The following GARNL3 variants were observed in gnomAD, a reference collection of about 807,000 sequenced individuals.
The protein encoded by GARNL3 is GTPase-activating Rap/Ran-GAP domain-like protein 3.
Under a neutral mutation model 125.0 loss-of-function variants are expected in GARNL3, and 63 were observed. The ratio of observed to expected loss-of-function variants is 0.50; its 90% CI spans 0.41 to 0.62. The LOEUF is 0.62. GARNL3 is among the 20% of genes least tolerant of loss of function. GARNL3 has a pLI of 0.00. For synonymous variants in GARNL3, 439 were observed against 457.5 expected (o/e 0.96, Z 0.52); for missense variants, 994 against 1,244.0 (o/e 0.80, Z 3.02).
At chr9:127,377,259 T>C (rs1209166536) in intron 22 of GARNL3, among the ~76,000 whole-genome samples, 1 of 152,196 alleles carries the variant, frequency 6.6e-6, no homozygotes, top group African/African-American at 2.4e-5. Flanking sequence ...ATATATAAAA[T>C]GTATACGATG....
chr9:127,258,907 T>C (rs2063538305), upstream of GARNL3, among the ~76,000 whole-genome samples: 1 of 152,190 alleles, frequency 6.6e-6, no homozygotes, highest in Admixed American at 6.5e-5. Flanking sequence ...TTCCTAGAGC[T>C]CCTGACTGTT....
chr9:127,376,855 C>T (rs114765106), intron 22 of GARNL3, among the ~76,000 whole-genome samples: 2,373 of 152,274 alleles, frequency 0.016, 72 homozygotes, highest in African/African-American at 0.053. Flanking sequence ...TTCCAACCCT[C>T]GTGGAATTTG....
At chr9:127,240,380 C>T (rs2063182638) in intron 1 of GARNL3, among the ~76,000 whole-genome samples, 1 of 152,132 alleles carries the variant, frequency 6.6e-6, no homozygotes, top group African/African-American at 2.4e-5. Context: ...ACCCTTGCAC[C>T]CCACATGTGT....
chr9:127,242,092 A>G lies in GARNL3; in HGVS notation c.-28-987A>G, dbSNP rs1302071647. Among the ~76,000 whole-genome samples, 3 of 151,920 alleles carry G rather than the reference A, an allele frequency of 2.0e-5. No homozygotes were observed. The highest frequency in any genetic ancestry group is 7.3e-5 in the African/African-American group (3 of 41,362). ...TGTGGAGTCGCTTTTCTTGGTCTCC[A>G]GCCTCACAGCACTCCCTTCTCATGC... On this transcript the variant is annotated intron_variant, in intron 1 of 10. Coordinates refer to the GARNL3 transcript ENST00000439286. This position sits in a 1 kb window ranked among gnomAD's most constrained non-coding sequence, Gnocchi z 4.6.
intron 1 of GARNL3, among the ~76,000 whole-genome samples, chr9:127,227,033 T>C (rs1191029484): frequency 6.6e-6 from 1 of 152,258 alleles, no homozygotes; most frequent in African/African-American, 2.4e-5. Flanking sequence ...GTAATGTGGC[T>C]AGTTGAGCTA....
chr9:127,374,068 G>A (rs979035440), intron 22 of GARNL3, among the ~76,000 whole-genome samples: 8 of 152,148 alleles, frequency 5.3e-5, no homozygotes, highest in African/African-American at 1.9e-4. Context: ...TTAGGAGGCC[G>A]AGGTGGGTGG....
chr9:127,321,178 G>C, intron 6 of GARNL3, among the ~76,000 whole-genome samples: 1 of 152,142 alleles, frequency 6.6e-6, no homozygotes, highest in East Asian at 1.9e-4. Flanking sequence ...TTGTGGCCCA[G>C]GCTAGAGTGC....
At chr9:127,382,493 C>T (rs2131813794) in intron 22 of GARNL3, among the ~76,000 whole-genome samples, 1 of 151,832 alleles carries the variant, frequency 6.6e-6, no homozygotes, top group South Asian at 2.1e-4. Context: ...GCACCTGTAG[C>T]CCCAGCTACT....
intron 21 of GARNL3, chr9:127,362,653 A>G (rs1831073956): frequency 6.6e-6 from 1 of 152,434 alleles, no homozygotes; most frequent in South Asian, 2.1e-4. Context: ...GTACAGGGAC[A>G]TCTGAGGAGG....
At chr9:127,386,123 T>C (rs1832531122) in intron 24 of GARNL3, among the ~76,000 whole-genome samples, 3 of 152,258 alleles carry the variant, frequency 2.0e-5, no homozygotes, top group Non-Finnish European at 2.9e-5. Context: ...CTTGTATCCA[T>C]AGCCAACCTA....
Position 127,280,225 on chromosome 9 carries a change from C to T in GARNL3, c.145-10943C>T, listed in dbSNP as rs564481496. Among the ~76,000 whole-genome samples, 1 of 152,300 alleles carries T rather than the reference C, an allele frequency of 6.6e-6. No homozygotes were observed. The highest frequency in any genetic ancestry group is 2.4e-5 in the African/African-American group (1 of 41,530). ...TTGGCATGTTGGGGAAACTAAACTC[C>T]CTGGGATGCTCTGCCCTCAGGACTC... On this transcript the variant is annotated intron_variant, in intron 1 of 27. Transcript: ENST00000373387. This position sits in a 1 kb window ranked among gnomAD's most constrained non-coding sequence, Gnocchi z 4.5.
chr9:127,225,308 G>A lies in GARNL3; in HGVS notation c.-29+970G>A, dbSNP rs1479546145. 4.1e-6 allele frequency: 4 copies of A among 982,492 alleles called. No individual in the cohort carries two copies. In the African/African-American group the frequency reaches 7.0e-5, roughly 17 times the overall value. The allele number at this position is 982,492 out of a possible 1,614,324, so 60.9% of individuals were successfully genotyped here. ...GCCCGAGCCCGCGGCCCCCGCCCGG[G>A]GCGATGGAACCGGAGCCCGGCGGGG... On this transcript the variant is annotated intron_variant, in intron 1 of 10. Coordinates refer to the GARNL3 transcript ENST00000439286.
intron 2 of GARNL3, among the ~76,000 whole-genome samples, chr9:127,257,346 A>C (rs1337000172): frequency 6.6e-6 from 1 of 152,334 alleles, no homozygotes; most frequent in Non-Finnish European, 1.5e-5. Flanking sequence ...GAAACTGCCA[A>C]ACTGTTTTCT....
At position 127,266,393 on chromosome 9, in the gene GARNL3, A is replaced by G. The variant is rs1417821196; in HGVS notation, c.144+1372A>G. Among the ~76,000 whole-genome samples the G allele has an allele frequency of 6.6e-6, 1 of 152,202 alleles. No individual in the cohort carries two copies. Among genetic ancestry groups the G allele is most frequent in the Non-Finnish European group, 1.5e-5 (1 of 68,038 alleles). The stretch of plus-strand genomic sequence containing the variant: ...TGCCGTGTCCCAAGGCAATGAGCAA[A>G]TGGTCCTGCCTAGCAAAGAGCTTTG... On this transcript the variant is annotated intron_variant, in intron 1 of 27. Coordinates refer to ENST00000373387, the MANE Select transcript of GARNL3 (RefSeq NM_032293.5). The surrounding 1 kb of genome is among the most constrained non-coding windows in gnomAD (Gnocchi z 4.0).
intron 9 of GARNL3, among the ~76,000 whole-genome samples, chr9:127,334,868 C>T (rs1422102434): frequency 6.6e-6 from 1 of 152,246 alleles, no homozygotes; most frequent in Non-Finnish European, 1.5e-5. Context: ...ACAAATACCA[C>T]TTCCTTTTGG....
At position 127,384,374 on chromosome 9, in the gene GARNL3, G is replaced by T. The variant is rs185866919; in HGVS notation, c.2270-653G>T. 6.6e-6 allele frequency among the ~76,000 whole-genome samples: 1 copy of T among 152,162 alleles called. No individual in the cohort carries two copies. The highest frequency in any genetic ancestry group is 2.1e-4 in the South Asian group (1 of 4,828). ...GCCAGTGCGAAGAAGGGGACAACAC[G>T]AAGTGCCAGGAAGAAAGAGGTGTGC... On this transcript the variant is annotated intron_variant, in intron 23 of 27. Transcript: ENST00000373387. This position sits in a 1 kb window ranked among gnomAD's most constrained non-coding sequence, Gnocchi z 4.0.
upstream of GARNL3, among the ~76,000 whole-genome samples, chr9:127,261,539 TA>T (rs1339627540): frequency 6.6e-6 from 1 of 150,690 alleles, no homozygotes; most frequent in East Asian, 2.0e-4. Flanking sequence ...ACCTCCCAAG[TA>T]GGTGGGATTA....
chr9:127,301,177 C>A (rs1237024077), intron 2 of GARNL3, among the ~76,000 whole-genome samples: 1 of 152,192 alleles, frequency 6.6e-6, no homozygotes, highest in Non-Finnish European at 1.5e-5. Flanking sequence ...ATCCTTATTG[C>A]TGTTCCTTGG....
intron 1 of GARNL3, among the ~76,000 whole-genome samples, chr9:127,272,757 T>A (rs550516739): frequency 4.1e-4 from 63 of 152,274 alleles, no homozygotes; most frequent in African/African-American, 1.3e-3. Context: ...TGTGGATACC[T>A]CCAGGTACAA....
Sources: allele counts gnomAD v4.1 joint callset (sites outside exome capture counted in the v4.1 genomes callset), GRCh38; gene constraint gnomAD v4.1.1; non-coding constraint Gnocchi (gnomAD v3.1); transcripts MANE v1.5; gene names NCBI Gene and HGNC (gene_info 2026-07-23, HGNC 2026-07-21).